SLIT3: variants seen among roughly 807,000 people sequenced by gnomAD.
The protein encoded by SLIT3 is slit guidance ligand 3.
SLIT3 carries 68 observed loss-of-function variants against 184.0 expected under a neutral mutation model. The observed-to-expected ratio is 0.37, with a 90% CI of 0.30 to 0.45. SLIT3 has a LOEUF of 0.45. Ranked by LOEUF, SLIT3 falls within the 20% of genes least tolerant of loss-of-function variation. SLIT3 has a pLI of 1.00. For synonymous variants in SLIT3, 831 were observed against 828.6 expected, an observed-to-expected ratio of 1.00 and a Z score of -0.05; for missense variants, 1,707 against 2,026.0, an observed-to-expected ratio of 0.84 and a Z score of 3.02.
intron 4 of SLIT3, among the ~76,000 whole-genome samples, chr5:168,966,614 C>G (rs532514423): frequency 1.3e-5 from 2 of 152,198 alleles, no homozygotes; most frequent in Non-Finnish European, 2.9e-5. Context: ...ACTGCCCTCA[C>G]ACATATCTTA....
At chr5:169,076,526 G>A (rs578154577) in intron 4 of SLIT3, among the ~76,000 whole-genome samples, 1 of 151,882 alleles carries the variant, frequency 6.6e-6, no homozygotes, top group Admixed American at 6.6e-5. Context: ...TCTCTCTCTA[G>A]CTTGCTAAAA....
At chr5:169,209,279 G>A (rs1465464405) in intron 3 of SLIT3, among the ~76,000 whole-genome samples, 2 of 152,106 alleles carry the variant, frequency 1.3e-5, no homozygotes, top group Non-Finnish European at 1.5e-5. Flanking sequence ...TTAGAATGGC[G>A]ATCACTAAAA....
At chr5:169,271,988 A>T (rs1229012491) in intron 1 of SLIT3, among the ~76,000 whole-genome samples, 1 of 152,194 alleles carries the variant, frequency 6.6e-6, no homozygotes, top group Non-Finnish European at 1.5e-5. Context: ...GTGGGTACAG[A>T]GGAGAGTAGG....
intron 4 of SLIT3, among the ~76,000 whole-genome samples, chr5:168,940,658 T>A (rs1008216936): frequency 5.9e-5 from 9 of 152,234 alleles, no homozygotes. Context: ...TAAACCACTA[T>A]GCAGGTTGCA....
chr5:168,932,630 G>A (rs1014834309), intron 4 of SLIT3, among the ~76,000 whole-genome samples: 1 of 152,176 alleles, frequency 6.6e-6, no homozygotes, highest in African/African-American at 2.4e-5. Context: ...GGCAGCCAAT[G>A]GATTAGGAAG....
chr5:169,126,128 T>C (rs1288370361), intron 4 of SLIT3, among the ~76,000 whole-genome samples: 1 of 152,220 alleles, frequency 6.6e-6, no homozygotes, highest in Non-Finnish European at 1.5e-5. Flanking sequence ...CTTCTAGCTC[T>C]CCAATGGCAC....
At chr5:168,913,133 G>A (rs1761308440) in intron 4 of SLIT3, among the ~76,000 whole-genome samples, 1 of 152,222 alleles carries the variant, frequency 6.6e-6, no homozygotes, top group South Asian at 2.1e-4. Flanking sequence ...ACCTGGCTAA[G>A]TGCTCAGAAC....
At chr5:169,147,165 A>G (rs1761952319) in intron 4 of SLIT3, among the ~76,000 whole-genome samples, 1 of 152,254 alleles carries the variant, frequency 6.6e-6, no homozygotes, top group Non-Finnish European at 1.5e-5. Flanking sequence ...CTTTGGGTAG[A>G]TACACCTTTC....
chr5:168,979,080 T>C (rs1754863693), intron 4 of SLIT3, among the ~76,000 whole-genome samples: 1 of 152,176 alleles, frequency 6.6e-6, no homozygotes, highest in African/African-American at 2.4e-5. Context: ...GCTAGGCCCA[T>C]AAATGAGGAG....
At chr5:168,777,271 T>G (rs905944072) in intron 12 of SLIT3, among the ~76,000 whole-genome samples, 7 of 152,184 alleles carry the variant, frequency 4.6e-5, no homozygotes, top group African/African-American at 1.7e-4. Flanking sequence ...TTCCCTATTG[T>G]GTCCCCTTCA....
chr5:169,252,574 A>G (rs1024414401), intron 1 of SLIT3, among the ~76,000 whole-genome samples: 2 of 152,234 alleles, frequency 1.3e-5, no homozygotes, highest in African/African-American at 4.8e-5. Context: ...ACAGTTCTCA[A>G]TAATGGATGC....
chr5:168,934,855 C>T (rs577031864), intron 4 of SLIT3, among the ~76,000 whole-genome samples: 4 of 151,510 alleles, frequency 2.6e-5, no homozygotes, highest in South Asian at 4.2e-4. Flanking sequence ...GAAGGCTGGG[C>T]GCGGTGGCTC....
Position 168,673,339 on chromosome 5 carries a change from G to A in SLIT3, c.3687-8C>T, listed in dbSNP as rs112162161. 8 of 1,613,862 alleles carry A rather than the reference G, an allele frequency of 5.0e-6. No homozygotes were observed. Among genetic ancestry groups the A allele is most frequent in the Admixed American group, 1.7e-5 (1 of 59,998 alleles). On this transcript the variant is annotated splice_region_variant and splice_polypyrimidine_tract_variant and intron_variant, in intron 32 of 35. Coordinates refer to ENST00000519560, the MANE Select transcript of SLIT3 (RefSeq NM_003062.4). ...TCATTCACTGTCTCCACACTGGCCAGTAGAGAAGGGGAGAAAGCCGGAGAG... is the reference window on the plus strand; with the variant it reads ...TCATTCACTGTCTCCACACTGGCCAATAGAGAAGGGGAGAAAGCCGGAGAG...
chr5:169,044,048 A>G (rs557156072), intron 4 of SLIT3, among the ~76,000 whole-genome samples: 1 of 152,372 alleles, frequency 6.6e-6, no homozygotes, highest in Non-Finnish European at 1.5e-5. Context: ...AGTAGTAGAT[A>G]AAGGCTAAAG....
intron 3 of SLIT3, among the ~76,000 whole-genome samples, chr5:169,198,188 A>C (rs971710192): frequency 6.6e-6 from 1 of 152,250 alleles, no homozygotes; most frequent in African/African-American, 2.4e-5. Context: ...TCTTTTAAAA[A>C]TGTCATATGC....
At chr5:169,132,188 G>A (rs1414402439) in intron 4 of SLIT3, among the ~76,000 whole-genome samples, 1 of 152,156 alleles carries the variant, frequency 6.6e-6, no homozygotes, top group Non-Finnish European at 1.5e-5. Flanking sequence ...AAAAAGGAAG[G>A]GGGAAAAGGC....
chr5:168,695,545 G>A (rs1186695829), intron 28 of SLIT3, among the ~76,000 whole-genome samples: 3 of 152,312 alleles, frequency 2.0e-5, no homozygotes, highest in East Asian at 3.9e-4. Flanking sequence ...TCTGGGATAC[G>A]CTACTTTGGT....
At chr5:168,907,013 A>G (rs1007983134) in intron 4 of SLIT3, among the ~76,000 whole-genome samples, 2 of 152,090 alleles carry the variant, frequency 1.3e-5, no homozygotes, top group Admixed American at 6.5e-5. Context: ...GGTGCACGCC[A>G]CCAAGCCCGG....
intron 27 of SLIT3, among the ~76,000 whole-genome samples, chr5:168,697,276 G>A (rs1032164408): frequency 5.3e-5 from 8 of 152,180 alleles, no homozygotes; most frequent in African/African-American, 1.9e-4. Flanking sequence ...GCTGTGGGGC[G>A]GCAAGATGCA....
Sources: allele counts gnomAD v4.1 joint callset (sites outside exome capture counted in the v4.1 genomes callset), GRCh38; gene constraint gnomAD v4.1.1; transcripts MANE v1.5; gene names NCBI Gene and HGNC (gene_info 2026-07-23, HGNC 2026-07-21).